Variants in ATP10B observed in about 807,000 individuals in gnomAD.
ATP10B encodes phospholipid-transporting ATPase VB.
ATP10B carries 122 observed loss-of-function variants against 141.2 expected under a neutral mutation model. That is an observed-to-expected ratio of 0.86 (90% CI 0.75 to 1.00). The LOEUF is 1.00. Ranked by LOEUF, ATP10B falls within the 50% of genes least tolerant of loss-of-function variation. The probability of loss-of-function intolerance (pLI) is 0.00; values close to 1 mark genes in which losing one functional copy is unlikely to be tolerated. For missense variants in ATP10B, 1,876 were observed against 1,825.3 expected, an observed-to-expected ratio of 1.03 and a Z score of -0.51; for synonymous variants, 685 against 692.0, an observed-to-expected ratio of 0.99 and a Z score of 0.16.
At chr5:160,813,203 G>T (rs1007792991) in intron 1 of ATP10B, among the ~76,000 whole-genome samples, 3 of 152,250 alleles carry the variant, frequency 2.0e-5, no homozygotes, top group African/African-American at 7.2e-5. Flanking sequence ...CACCCGGGAA[G>T]CACAAGGGGT....
At chr5:160,755,827 AAAAAAAAAAAAATATATATATATATATAT>A (rs1272662554) in intron 2 of ATP10B, among the ~76,000 whole-genome samples, 4 of 63,698 alleles carry the variant, frequency 6.3e-5, no homozygotes, top group African/African-American at 3.4e-4. Context: ...AAAAAAAAAA[AAAAAAAAAAAAATATATATATATATATAT>A]ATATATATAT....
At chr5:160,657,163 A>C (rs1486135610) in intron 7 of ATP10B, among the ~76,000 whole-genome samples, 1 of 152,114 alleles carries the variant, frequency 6.6e-6, no homozygotes, top group Non-Finnish European at 1.5e-5. Flanking sequence ...TTGGAAGAAC[A>C]CTAAAGTTTT....
intron 13 of ATP10B, among the ~76,000 whole-genome samples, chr5:160,623,381 G>A (rs139967793): frequency 1.8e-4 from 27 of 152,280 alleles, no homozygotes; most frequent in African/African-American, 5.3e-4. Flanking sequence ...AGGACATTAT[G>A]GGGTGGTGGG....
chr5:160,815,572 C>A (rs1773543414), intron 1 of ATP10B, among the ~76,000 whole-genome samples: 1 of 151,626 alleles, frequency 6.6e-6, no homozygotes, highest in South Asian at 2.1e-4. Flanking sequence ...TAATACGAGA[C>A]TAACACCCCA....
intron 22 of ATP10B, among the ~76,000 whole-genome samples, chr5:160,595,422 G>A (rs1756606842): frequency 6.6e-6 from 1 of 151,986 alleles, no homozygotes; most frequent in Non-Finnish European, 1.5e-5. Flanking sequence ...AGCACTAAAT[G>A]CCCACAAGAG....
chr5:160,916,236 A>T, the ATP10B span, among the ~76,000 whole-genome samples: 1 of 152,156 alleles, frequency 6.6e-6, no homozygotes, highest in Non-Finnish European at 1.5e-5. Context: ...GGATTTGGGG[A>T]TGTATGTGCT....
chr5:160,645,109 T>A (rs1480687938), intron 8 of ATP10B, among the ~76,000 whole-genome samples: 1 of 120,770 alleles, frequency 8.3e-6, no homozygotes, highest in Non-Finnish European at 1.7e-5. Context: ...GGGGCAAGAC[T>A]CCATCTTAAA....
chr5:160,586,037 T>G (rs759219433), intron 24 of ATP10B, among the ~76,000 whole-genome samples: 11 of 152,258 alleles, frequency 7.2e-5, no homozygotes, highest in Non-Finnish European at 1.2e-4. Flanking sequence ...GGTATACATG[T>G]GCCATGGTGG....
chr5:160,694,073 A>T (rs889305676), intron 3 of ATP10B, among the ~76,000 whole-genome samples: 14 of 152,298 alleles, frequency 9.2e-5, no homozygotes, highest in African/African-American at 3.1e-4. Context: ...GAAATGACAC[A>T]TTGTGAGTGC....
chr5:160,704,099 CT>C (rs1306480117), intron 3 of ATP10B, among the ~76,000 whole-genome samples: 5 of 152,278 alleles, frequency 3.3e-5, no homozygotes, highest in Non-Finnish European at 7.3e-5. Flanking sequence ...ACCTCAGCCT[CT>C]TTAGTAACTG....
chr5:160,913,073 A>G, the ATP10B span, among the ~76,000 whole-genome samples: 1 of 152,254 alleles, frequency 6.6e-6, no homozygotes, highest in African/African-American at 2.4e-5. Flanking sequence ...TGATTAAAAT[A>G]CTTAACTTTG....
At chr5:160,651,955 G>A (rs1171301360) in intron 7 of ATP10B, among the ~76,000 whole-genome samples, 2 of 152,144 alleles carry the variant, frequency 1.3e-5, no homozygotes, top group African/African-American at 4.8e-5. Flanking sequence ...TCAGCTCAGT[G>A]GTGGGTCTCT....
the ATP10B span, among the ~76,000 whole-genome samples, chr5:160,924,250 T>C: frequency 1.3e-5 from 2 of 152,140 alleles, no homozygotes; most frequent in African/African-American, 4.8e-5. Context: ...CTGAACAGAG[T>C]TGAAGGGCAT....
chr5:160,785,503 T>C, intron 2 of ATP10B, 56 bp downstream of exon 2: 1 of 453,486 alleles, frequency 2.2e-6, no homozygotes, highest in Non-Finnish European at 4.4e-6. Flanking sequence ...GTATACTGAG[T>C]GATGCTGAGG....
chr5:160,632,361 C>T lies in ATP10B; in HGVS notation c.1388G>A (p.Arg463Gln), dbSNP rs368107402. 6.7e-5 allele frequency: 108 copies of T among 1,613,896 alleles called. No homozygotes were observed. Among genetic ancestry groups the T allele is most frequent in the Non-Finnish European group, 8.3e-5 (98 of 1,179,940 alleles). Reference sequence around the variant, plus strand: ...GTCCAGCTCCTTTGGGGTCTCCAGTCGCTTAGCTGCAAGAAAGGAGTCCTG... The same window carrying T: ...GTCCAGCTCCTTTGGGGTCTCCAGTTGCTTAGCTGCAAGAAAGGAGTCCTG... ...SEYSHQENAK[R>Q]LETPKELDSD... The change falls in exon 13 of 26, where the codon CGA becomes CAA. Residue 463 changes from arginine (R) to glutamine (Q), a missense_variant. By Grantham distance (43) the Arg-to-Gln change is conservative. Transcript: ENST00000327245.
chr5:160,567,996 T>G (rs1362961935), intron 25 of ATP10B, among the ~76,000 whole-genome samples: 1 of 152,162 alleles, frequency 6.6e-6, no homozygotes, highest in Non-Finnish European at 1.5e-5. Flanking sequence ...AAAGGCTAGA[T>G]ATGGGCATGA....
At position 160,564,245 on chromosome 5, in the gene ATP10B, C is replaced by T. The variant is rs973862116; in HGVS notation, c.*1208G>A. The T allele has an allele frequency of 1.3e-5, 2 of 152,214 alleles. No individual in the cohort carries two copies. The highest frequency in any genetic ancestry group is 2.4e-5 in the African/African-American group (1 of 41,464). 9.4% of individuals were successfully genotyped at this position (152,214 alleles called of 1,614,324 possible). A position where few individuals can be genotyped will look rare whatever the true frequency, so the allele number is the denominator to read the frequency against. ...TTTACAAGACTAGGGTTAGGCTATA[C>T]TTGCCCACAGCAGACCTGGCTTCTT... On this transcript the variant is annotated 3_prime_UTR_variant, in exon 26 of 26. Coordinates refer to ENST00000327245, the MANE Select transcript of ATP10B (RefSeq NM_025153.3).
At chr5:160,592,851 G>A (rs184560749) in intron 22 of ATP10B, among the ~76,000 whole-genome samples, 9 of 152,340 alleles carry the variant, frequency 5.9e-5, no homozygotes, top group Admixed American at 2.6e-4. Flanking sequence ...AGGCAGCAGC[G>A]AGGCTGGGGG....
Position 160,800,029 on chromosome 5 carries a change from A to G in ATP10B, c.-575-14226T>C, listed in dbSNP as rs564680333. On this transcript the variant is annotated intron_variant, in intron 1 of 25. Coordinates refer to ENST00000327245, the MANE Select transcript of ATP10B (RefSeq NM_025153.3). ...TAAGAAGGAAAATGGGCACCATTGG[A>G]GTTACAAGTCTGCAAGCTAAGGAAC... 4.6e-3 allele frequency among the ~76,000 whole-genome samples: 694 copies of G among 152,328 alleles called. 2 individuals carry two copies. Among genetic ancestry groups the G allele is most frequent in the Non-Finnish European group, 6.4e-3 (433 of 68,026 alleles).
Sources: gnomAD v4.1 joint callset for allele counts (sites outside exome capture counted in the v4.1 genomes callset) on GRCh38, gnomAD v4.1.1 for gene constraint, MANE v1.5 for transcripts, NCBI Gene and HGNC (gene_info 2026-07-23, HGNC 2026-07-21) for gene names.